The following CC2D2B variants were observed in gnomAD, a reference collection of about 807,000 sequenced individuals.
CC2D2B encodes protein CC2D2B.
A neutral mutation model predicts 161.2 loss-of-function variants in CC2D2B; 128 were observed. The ratio of observed to expected loss-of-function variants is 0.79; its 90% confidence interval spans 0.69 to 0.92. The LOEUF (loss-of-function observed/expected upper bound fraction) is 0.92. CC2D2B is among the 40% of genes least tolerant of loss of function. The pLI is 0.00. For synonymous variants in CC2D2B, 391 were observed against 449.8 expected (o/e 0.87, Z 1.65); for missense variants, 1,173 against 1,375.1 (o/e 0.85, Z 2.32).
At chr10:95,971,926 T>A (rs961420462) in intron 15 of CC2D2B, 140 bp from the exon 16 acceptor site, 1 of 430,622 alleles carries the variant, frequency 2.3e-6, no homozygotes, top group African/African-American at 2.0e-5. Flanking sequence ...TTTCTCATAA[T>A]CATGTGGATG....
chr10:95,977,533 TTA>T (rs2077363679), intron 17 of CC2D2B, among the ~76,000 whole-genome samples: 2 of 152,382 alleles, frequency 1.3e-5, no homozygotes, highest in South Asian at 4.1e-4. Flanking sequence ...TCATTGACTT[TTA>T]TGTTTACCTT....
chr10:95,975,680 C>T (rs547873632), intron 17 of CC2D2B, among the ~76,000 whole-genome samples: 2 of 152,130 alleles, frequency 1.3e-5, no homozygotes, highest in Admixed American at 6.6e-5. Flanking sequence ...AGAAGAGAAA[C>T]TCTCTCTTCC....
At chr10:95,977,367 C>T (rs2077357340) in intron 17 of CC2D2B, among the ~76,000 whole-genome samples, 1 of 152,150 alleles carries the variant, frequency 6.6e-6, no homozygotes, top group African/African-American at 2.4e-5. Flanking sequence ...GAGTGAGACT[C>T]TGTCTCAATA....
chr10:96,006,518 G>A (rs2078755987), intron 25 of CC2D2B, among the ~76,000 whole-genome samples: 1 of 151,974 alleles, frequency 6.6e-6, no homozygotes, highest in South Asian at 2.1e-4. Flanking sequence ...AAGTCATGCT[G>A]TACATTTGAG....
chr10:96,014,498 T>G (rs921764355), intron 29 of CC2D2B, among the ~76,000 whole-genome samples: 2 of 152,214 alleles, frequency 1.3e-5, no homozygotes, highest in Non-Finnish European at 2.9e-5. Context: ...CATGAGTGTA[T>G]GACTGATTCA....
At position 96,032,759 on chromosome 10, in the gene CC2D2B, T is replaced by G. The variant is rs967768838; in HGVS notation, c.*751T>G. 6.4e-6 allele frequency: 3 copies of G among 469,180 alleles called. No individual in the cohort carries two copies. Among genetic ancestry groups the G allele is most frequent in the African/African-American group, 2.0e-5 (1 of 50,062 alleles). The allele number at this position is 469,180 out of a possible 1,614,324, so 29.1% of individuals were successfully genotyped here. A position where few individuals can be genotyped will look rare whatever the true frequency, so the allele number is the denominator to read the frequency against. On this transcript the variant is annotated 3_prime_UTR_variant, in exon 35 of 35. Transcript: ENST00000646931. ...CATGAAATTCTTACAGCTCCATGTATTTGGAAGGAACTCCCAGGAAACTCT... is the reference window on the plus strand; with the variant it reads ...CATGAAATTCTTACAGCTCCATGTAGTTGGAAGGAACTCCCAGGAAACTCT...
chr10:95,961,753 C>T, intron 11 of CC2D2B, 76 bp from the exon 12 acceptor site: 2 of 809,666 alleles, frequency 2.5e-6, no homozygotes, highest in African/African-American at 1.8e-5. Flanking sequence ...TATTGCAATA[C>T]ATTCTTCCAT....
chr10:95,982,978 G>C (rs1316039264), intron 18 of CC2D2B, among the ~76,000 whole-genome samples: 1 of 151,958 alleles, frequency 6.6e-6, no homozygotes, highest in South Asian at 2.1e-4. Flanking sequence ...TACCATGTTG[G>C]CCAAGCTGGT....
chr10:95,924,143 A>C (rs1201777727), intron 3 of CC2D2B, among the ~76,000 whole-genome samples, 171 bp from the exon 4 acceptor site: 2 of 152,242 alleles, frequency 1.3e-5, no homozygotes, highest in Non-Finnish European at 2.9e-5. Flanking sequence ...GGGAAAGGAC[A>C]TCTATTTGTC....
intron 5 of CC2D2B, 75 bp from the exon 6 acceptor site, chr10:95,927,162 A>G: frequency 2.5e-6 from 2 of 786,676 alleles, no homozygotes; most frequent in Non-Finnish European, 4.2e-6. Flanking sequence ...TGTTTACCAT[A>G]TTACAGAAAA....
chr10:95,965,785 T>TTGTGTG (rs59230785), intron 12 of CC2D2B, 111 bp from the exon 13 acceptor site: 31,452 of 343,106 alleles, frequency 0.092, 1,120 homozygotes, highest in African/African-American at 0.12. Context: ...GAGATTGGTT[T>TTGTGTG]TGTGTGTGTG....
intron 26 of CC2D2B, 133 bp from the exon 27 acceptor site, chr10:96,012,052 G>C: frequency 1.9e-6 from 1 of 526,602 alleles, no homozygotes; most frequent in Non-Finnish European, 3.3e-6. Flanking sequence ...TCTTGGGCAA[G>C]TGCAAATGAG....
At chr10:95,958,634 G>A (rs1427860070) in intron 11 of CC2D2B, among the ~76,000 whole-genome samples, 1 of 151,994 alleles carries the variant, frequency 6.6e-6, no homozygotes, top group Non-Finnish European at 1.5e-5. Context: ...AGATTCAAAG[G>A]CAGATTACAG....
intron 33 of CC2D2B, among the ~76,000 whole-genome samples, chr10:96,025,172 T>TAAAAAAAAAAA (rs1564683838): frequency 6.8e-4 from 12 of 17,618 alleles, no homozygotes; most frequent in East Asian, 2.0e-3. Flanking sequence ...TATATATATA[T>TAAAAAAAAAAA]ATATATATAT....
intron 17 of CC2D2B, among the ~76,000 whole-genome samples, chr10:95,977,614 T>C (rs2077365923): frequency 6.6e-6 from 1 of 152,270 alleles, no homozygotes; most frequent in Non-Finnish European, 1.5e-5. Flanking sequence ...TTAATGATTC[T>C]TTCAGTTAGT....
chr10:95,942,866 A>C (rs888351996), intron 9 of CC2D2B, among the ~76,000 whole-genome samples: 1 of 152,164 alleles, frequency 6.6e-6, no homozygotes, highest in African/African-American at 2.4e-5. Flanking sequence ...TTTTTATATA[A>C]AATTATTTTT....
In CC2D2B at chr10:96,004,249, G is replaced by A. The variant is rs199941416; in HGVS notation, c.2946+1G>A. 6 of 1,385,876 alleles carry A rather than the reference G, an allele frequency of 4.3e-6. No individual in the cohort carries two copies. Among genetic ancestry groups the A allele is most frequent in the Non-Finnish European group, 4.9e-6 (5 of 1,011,504 alleles). 85.8% of individuals were successfully genotyped at this position (1,385,876 alleles called of 1,614,324 possible). ...TGAAATGATGACTGAAAAACATGAG[G>A]TAAAGTAGAATAATTACAATAGCCA... On this transcript the variant is annotated splice_donor_variant, in intron 25 of 34. Coordinates refer to ENST00000646931, the MANE Select transcript of CC2D2B (RefSeq NM_001349008.3). LOFTEE classifies it high-confidence loss of function.
chr10:95,995,204 C>T, intron 22 of CC2D2B, 65 bp from the exon 23 acceptor site: 2 of 867,544 alleles, frequency 2.3e-6, no homozygotes, highest in Admixed American at 3.0e-5. Context: ...AAAACCCACC[C>T]ACTCCTACCA....
intron 11 of CC2D2B, among the ~76,000 whole-genome samples, chr10:95,956,367 T>C (rs1416492121): frequency 6.6e-6 from 1 of 151,854 alleles, no homozygotes; most frequent in Non-Finnish European, 1.5e-5. Flanking sequence ...AATAGAATTA[T>C]CAAATATAGA....
Sources: gnomAD v4.1 joint callset for allele counts (sites outside exome capture counted in the v4.1 genomes callset) on GRCh38, gnomAD v4.1.1 for gene constraint, MANE v1.5 for transcripts, NCBI Gene and HGNC (gene_info 2026-07-23, HGNC 2026-07-21) for gene names.